The following SLC35B3 variants were observed in gnomAD, a reference collection of about 807,000 sequenced individuals.
The protein encoded by SLC35B3 is solute carrier family 35 member B3.
SLC35B3 carries 35 observed loss-of-function variants against 44.1 expected under a neutral mutation model. The observed-to-expected ratio is 0.79, with a 90% confidence interval of 0.61 to 1.05. SLC35B3 has a LOEUF of 1.05. SLC35B3 is among the 50% of genes least tolerant of loss of function. The probability of loss-of-function intolerance (pLI) is 0.00; values close to 1 mark genes in which losing one functional copy is unlikely to be tolerated. For missense variants in SLC35B3, 414 were observed against 476.4 expected (o/e 0.87, Z 1.22); for synonymous variants, 146 against 167.3 (o/e 0.87, Z 0.98).
intron 4 of SLC35B3, among the ~76,000 whole-genome samples, chr6:8,423,817 C>T (rs1763161092): frequency 6.6e-6 from 1 of 151,858 alleles, no homozygotes; most frequent in African/African-American, 2.4e-5. Flanking sequence ...CATGAAAATC[C>T]ACGTGGAAAC....
Position 8,419,731 on chromosome 6 carries a change from T to G in SLC35B3, c.683-54A>C. On this transcript the variant is annotated intron_variant, in intron 6 of 10. Transcript: ENST00000644923. This position sits in a 1 kb window ranked among gnomAD's most constrained non-coding sequence, Gnocchi z 4.3. ...AAAAAACCCTCCTTATTTAAACATA[T>G]GAACTATAATCAAGCTTTATCAGAA... The G allele has an allele frequency of 1.0e-6, 1 of 987,674 alleles. No homozygotes were observed. Among genetic ancestry groups the G allele is most frequent in the Non-Finnish European group, 1.5e-6 (1 of 683,740 alleles). 61.2% of individuals were successfully genotyped at this position (987,674 alleles called of 1,614,324 possible).
chr6:8,413,675 A>T lies in SLC35B3; in HGVS notation c.1080T>A (p.Val360=). The T allele has an allele frequency of 6.4e-7, 1 of 1,566,900 alleles. No individual in the cohort carries two copies. Residue 360 remains valine, a synonymous_variant, in exon 11 of 11, where the codon GTT becomes GTA. Transcript: ENST00000644923. ...AAACATTAAGAAATATACCAAGGAC[A>T]ACTAACAAACCAGACCATACATACC...
At position 8,435,483 on chromosome 6, in the gene SLC35B3, C is replaced by T; in HGVS notation, c.-184G>A. ...TCGCCCACTCCTGCACTTTCCACCG[C>T]GGCGGTCGCCTCCCCGGAAAGCACT... is the stretch of plus-strand genomic sequence containing the variant. On this transcript the variant is annotated 5_prime_UTR_variant, in exon 1 of 11. Transcript: ENST00000644923. The surrounding 1 kb of genome is among the most constrained non-coding windows in gnomAD (Gnocchi z 5.5). The T allele has an allele frequency of 1.0e-6, 1 of 976,078 alleles. No homozygotes were observed. The highest frequency in any genetic ancestry group is 1.4e-6 in the Non-Finnish European group (1 of 723,708). 60.5% of individuals were successfully genotyped at this position (976,078 alleles called of 1,614,324 possible).
Position 8,423,179 on chromosome 6 carries a change from G to T in SLC35B3, c.420-555C>A, listed in dbSNP as rs187428238. The stretch of plus-strand genomic sequence containing the variant: ...ATGTTGGCCTCCATAATGGTAAAAG[G>T]TACCTTAACATTTTAAAACTAATTT... On this transcript the variant is annotated intron_variant, in intron 4 of 10. Coordinates refer to ENST00000644923, the MANE Select transcript of SLC35B3 (RefSeq NM_001370476.2). Among the ~76,000 whole-genome samples the T allele has an allele frequency of 5.9e-5, 9 of 152,206 alleles. No individual in the cohort carries two copies. In the East Asian group the frequency reaches 7.7e-4, roughly 13 times the overall value.
At chr6:8,416,185 T>A (rs897808623) in intron 9 of SLC35B3, among the ~76,000 whole-genome samples, 5 of 152,196 alleles carry the variant, frequency 3.3e-5, no homozygotes, top group Non-Finnish European at 7.3e-5. Flanking sequence ...TGGTACATAC[T>A]AGGGCTATGT....
Position 8,428,040 on chromosome 6 carries a change from C to T in SLC35B3, c.316G>A (p.Glu106Lys), listed in dbSNP as rs1581262764. ...TACCAGCCACAGGACTTAAAACCCT[C>T]CACTGAAAATATTAATTCCTGTCAA... The change falls in exon 4 of 11, where the codon GAG becomes AAG. Residue 106 changes from glutamate to lysine, a missense_variant. Glu to Lys is a moderately conservative substitution (Grantham distance 56). Transcript: ENST00000644923. 3.1e-6 allele frequency: 5 copies of T among 1,591,004 alleles called. No homozygotes were observed. In the East Asian group the frequency reaches 6.8e-5, roughly 22 times the overall value.
rs1764406833 is a variant in SLC35B3, at chr6:8,435,429, T to C, written c.-130A>G. On this transcript the variant is annotated 5_prime_UTR_variant, in exon 1 of 11. Coordinates refer to ENST00000644923, the MANE Select transcript of SLC35B3 (RefSeq NM_001370476.2). The surrounding 1 kb of genome is among the most constrained non-coding windows in gnomAD (Gnocchi z 5.5). Reference sequence around the variant, plus strand: ...GAGCATCTCCCCCTCCCCTGGTCCGTCGCCATCACCTCCTCTTCCTCCTCC... The same window carrying C: ...GAGCATCTCCCCCTCCCCTGGTCCGCCGCCATCACCTCCTCTTCCTCCTCC... 7.8e-7 allele frequency: 1 copy of C among 1,275,456 alleles called. No homozygotes were observed. Among genetic ancestry groups the C allele is most frequent in the Non-Finnish European group, 1.0e-6 (1 of 977,992 alleles). The allele number at this position is 1,275,456 out of a possible 1,614,324, so 79.0% of individuals were successfully genotyped here.
intron 2 of SLC35B3, among the ~76,000 whole-genome samples, chr6:8,430,731 T>TAAAAC (rs926481783): frequency 1.3e-5 from 2 of 151,230 alleles, no homozygotes; most frequent in African/African-American, 4.9e-5. Context: ...TAAAATAAAA[T>TAAAAC]AAAATAAAAT....
chr6:8,419,899 A>G lies in SLC35B3; in HGVS notation c.683-222T>C, dbSNP rs1377156864. ...TACTAATAAACTGAGTTAGTTCTGT[A>G]CATATCACATTTCACATTTCAATAG... On this transcript the variant is annotated intron_variant, in intron 6 of 10. Transcript: ENST00000644923. The surrounding 1 kb of genome is among the most constrained non-coding windows in gnomAD (Gnocchi z 4.3). 1.3e-5 allele frequency among the ~76,000 whole-genome samples: 2 copies of G among 152,164 alleles called. No individual in the cohort carries two copies. The highest frequency in any genetic ancestry group is 2.4e-5 in the African/African-American group (1 of 41,466).
Position 8,435,437 on chromosome 6 carries a change from A to ACCTCCTCTT in SLC35B3, c.-147_-139dup, listed in dbSNP as rs1276714011. 8.0e-7 allele frequency: 1 copy of ACCTCCTCTT among 1,256,158 alleles called. No individual in the cohort carries two copies. The highest frequency in any genetic ancestry group is 1.5e-5 in the African/African-American group (1 of 64,914). 77.8% of individuals were successfully genotyped at this position (1,256,158 alleles called of 1,614,324 possible). A position where few individuals can be genotyped will look rare whatever the true frequency, so the allele number is the denominator to read the frequency against. ...CCCCCTCCCCTGGTCCGTCGCCATCACCTCCTCTTCCTCCTCCTCCTCGCC... is the reference window on the plus strand; with the variant it reads ...CCCCCTCCCCTGGTCCGTCGCCATCACCTCCTCTTCCTCCTCTTCCTCCTCCTCCTCGCC... On this transcript the variant is annotated 5_prime_UTR_variant, in exon 1 of 11. Coordinates refer to ENST00000644923, the MANE Select transcript of SLC35B3 (RefSeq NM_001370476.2). The surrounding 1 kb of genome is among the most constrained non-coding windows in gnomAD (Gnocchi z 5.5).
chr6:8,421,469 G>C (rs1392638436), intron 5 of SLC35B3, among the ~76,000 whole-genome samples: 1 of 152,032 alleles, frequency 6.6e-6, no homozygotes, highest in African/African-American at 2.4e-5. Context: ...ACGTGAAGTA[G>C]TTGACAACAC....
rs377497671 is a variant in SLC35B3 at position 8,421,814 on chromosome 6, G to A, written c.574+656C>T. Among the ~76,000 whole-genome samples the A allele has an allele frequency of 1.6e-4, 24 of 152,268 alleles. No homozygotes were observed. In the East Asian group the frequency reaches 4.4e-3, roughly 28 times the overall value. ...GTGAAGGGTAGACCCCTGGAGAGTAGAAGAATGAAGGAACTGAAAAAAGGG... is the reference window on the plus strand; with the variant it reads ...GTGAAGGGTAGACCCCTGGAGAGTAAAAGAATGAAGGAACTGAAAAAAGGG... On this transcript the variant is annotated intron_variant, in intron 5 of 10. Coordinates refer to ENST00000644923, the MANE Select transcript of SLC35B3 (RefSeq NM_001370476.2).
At position 8,433,303 on chromosome 6, in the gene SLC35B3, T is replaced by G. The variant is rs1012481020; in HGVS notation, c.3+1082A>C. Reference sequence around the variant, plus strand: ...CCTCGAAGTTAAAAACGAGTTGATGTCCTGGACTCAATCATATTATACATA... The same window carrying G: ...CCTCGAAGTTAAAAACGAGTTGATGGCCTGGACTCAATCATATTATACATA... On this transcript the variant is annotated intron_variant, in intron 2 of 10. Coordinates refer to ENST00000644923, the MANE Select transcript of SLC35B3 (RefSeq NM_001370476.2). The surrounding 1 kb of genome is among the most constrained non-coding windows in gnomAD (Gnocchi z 4.1). Among the ~76,000 whole-genome samples, 12 of 152,186 alleles carry G rather than the reference T, an allele frequency of 7.9e-5. No individual in the cohort carries two copies. Among genetic ancestry groups the G allele is most frequent in the Admixed American group, 7.2e-4 (11 of 15,280 alleles).
intron 4 of SLC35B3, among the ~76,000 whole-genome samples, chr6:8,426,603 C>T (rs2113458085): frequency 6.6e-6 from 1 of 152,286 alleles, no homozygotes; most frequent in South Asian, 2.1e-4. Flanking sequence ...TGAGGCCTCC[C>T]AAGCCATGTG....
At chr6:8,427,903 T>C (rs200200768) in intron 4 of SLC35B3, 34 bp downstream of exon 3, 2 of 1,372,894 alleles carry the variant, frequency 1.5e-6, no homozygotes, top group Non-Finnish European at 2.0e-6. Context: ...TCAACTAATA[T>C]AGAAATATCA....
At chr6:8,416,279 C>T (rs1377363925) in intron 9 of SLC35B3, among the ~76,000 whole-genome samples, 2 of 152,118 alleles carry the variant, frequency 1.3e-5, no homozygotes, top group African/African-American at 4.8e-5. Context: ...AAGGCAAAAG[C>T]TGTGCCTTAG....
intron 4 of SLC35B3, among the ~76,000 whole-genome samples, chr6:8,426,583 G>A (rs778027001): frequency 6.6e-6 from 1 of 152,076 alleles, no homozygotes; most frequent in African/African-American, 2.4e-5. Context: ...TTTGACTCCT[G>A]CCATGATTCT....
At chr6:8,427,011 T>C (rs1336127883) in intron 4 of SLC35B3, among the ~76,000 whole-genome samples, 3 of 152,158 alleles carry the variant, frequency 2.0e-5, no homozygotes, top group African/African-American at 7.2e-5. Flanking sequence ...GCCCTAGAGA[T>C]CTATGGAACT....
Position 8,434,049 on chromosome 6 carries a change from T to TATATATATATATATATATA in SLC35B3, c.3+335_3+336insTATATATATATATATATAT, listed in dbSNP as rs1554122963. ...TGAAACTAAAATATATATATATATA[T>TATATATATATATATATATA]TTTAAAAATCACAGGTGTGTATAAT... On this transcript the variant is annotated intron_variant, in intron 2 of 10. Coordinates refer to ENST00000644923, the MANE Select transcript of SLC35B3 (RefSeq NM_001370476.2). The surrounding 1 kb of genome is among the most constrained non-coding windows in gnomAD (Gnocchi z 6.3). Among the ~76,000 whole-genome samples the TATATATATATATATATATA allele has an allele frequency of 9.3e-5, 14 of 150,160 alleles. No homozygotes were observed. The highest frequency in any genetic ancestry group is 3.4e-4 in the African/African-American group (14 of 40,802).
Sources: allele counts gnomAD v4.1 joint callset (sites outside exome capture counted in the v4.1 genomes callset), GRCh38; gene constraint gnomAD v4.1.1; non-coding constraint Gnocchi (gnomAD v3.1); transcripts MANE v1.5; gene names NCBI Gene and HGNC (gene_info 2026-07-23, HGNC 2026-07-21).